DLGAP1: variants seen among roughly 807,000 people sequenced by gnomAD.
The protein encoded by DLGAP1 is DLG associated protein 1.
Under a neutral mutation model 90.8 loss-of-function variants are expected in DLGAP1, and 11 were observed. The ratio of observed to expected loss-of-function variants is 0.12; its 90% CI spans 0.08 to 0.20. DLGAP1 has a LOEUF of 0.20. Among genes scored for constraint, DLGAP1 ranks in the 10% least tolerant of loss-of-function variants. The pLI is 1.00. For missense variants in DLGAP1, 1,050 were observed against 1,333.8 expected (o/e 0.79, Z 3.31); for synonymous variants, 558 against 540.7 (o/e 1.03, Z -0.44).
At chr18:4,281,931 G>T (rs2079561220) in intron 1 of DLGAP1, among the ~76,000 whole-genome samples, 1 of 152,034 alleles carries the variant, frequency 6.6e-6, no homozygotes, top group Non-Finnish European at 1.5e-5. Flanking sequence ...ATGTAAGAAG[G>T]GTAGTCTATA....
intron 3 of DLGAP1, among the ~76,000 whole-genome samples, chr18:3,936,594 C>G (rs956824362): frequency 2.0e-5 from 3 of 152,134 alleles, no homozygotes; most frequent in African/African-American, 7.2e-5. Flanking sequence ...ATATTCCTGT[C>G]TATTAGATTG....
At chr18:3,683,666 T>C (rs1167195382) in intron 7 of DLGAP1, among the ~76,000 whole-genome samples, 1 of 152,096 alleles carries the variant, frequency 6.6e-6, no homozygotes, top group Non-Finnish European at 1.5e-5. Flanking sequence ...ATTATCATCA[T>C]AGAGAGGAAA....
intron 1 of DLGAP1, among the ~76,000 whole-genome samples, chr18:4,352,789 G>A (rs2081428376): frequency 6.6e-6 from 1 of 152,100 alleles, no homozygotes; most frequent in Non-Finnish European, 1.5e-5. Flanking sequence ...CAATGTCTCA[G>A]TCTTTACGCT....
At chr18:4,207,742 C>T (rs1285845472) in intron 1 of DLGAP1, among the ~76,000 whole-genome samples, 1 of 152,196 alleles carries the variant, frequency 6.6e-6, no homozygotes, top group African/African-American at 2.4e-5. Flanking sequence ...CACCAAAGAG[C>T]CAAACTGCTA....
chr18:3,567,599 T>C lies in DLGAP1; in HGVS notation c.1966-18A>G. ...TCATCCACCTGGAGAAATCATCAAATAAATAGAGTTGTTCCATTTCAGTCA... is the reference window on the plus strand; with the variant it reads ...TCATCCACCTGGAGAAATCATCAAACAAATAGAGTTGTTCCATTTCAGTCA... On this transcript the variant is annotated intron_variant, in intron 8 of 12. Transcript: ENST00000315677. 1.2e-6 allele frequency: 2 copies of C among 1,603,186 alleles called. No individual in the cohort carries two copies. The highest frequency in any genetic ancestry group is 1.7e-6 in the Non-Finnish European group (2 of 1,171,550).
At chr18:3,652,071 C>T (rs887403782) in intron 7 of DLGAP1, among the ~76,000 whole-genome samples, 15 of 145,690 alleles carry the variant, frequency 1.0e-4, no homozygotes, top group Non-Finnish European at 1.9e-4. Context: ...GGCTGAGGCA[C>T]GAGAATTGCT....
At chr18:4,269,901 T>C (rs1303690612) in intron 1 of DLGAP1, among the ~76,000 whole-genome samples, 1 of 152,196 alleles carries the variant, frequency 6.6e-6, no homozygotes, top group Non-Finnish European at 1.5e-5. Context: ...TGTTTTAAAT[T>C]CTGTTTGTAA....
intron 1 of DLGAP1, among the ~76,000 whole-genome samples, chr18:4,389,559 G>A (rs1436490474): frequency 2.6e-5 from 4 of 152,152 alleles, no homozygotes; most frequent in Non-Finnish European, 5.9e-5. Flanking sequence ...ACTGAATGGT[G>A]ACAGCAAAAA....
At chr18:3,888,800 G>C (rs746543859) in intron 3 of DLGAP1, among the ~76,000 whole-genome samples, 7 of 152,156 alleles carry the variant, frequency 4.6e-5, no homozygotes, top group African/African-American at 1.7e-4. Flanking sequence ...AATCCAGGCA[G>C]TAAACGATAA....
chr18:4,251,209 T>A (rs1239666044), intron 1 of DLGAP1, among the ~76,000 whole-genome samples: 2 of 152,208 alleles, frequency 1.3e-5, no homozygotes, highest in Non-Finnish European at 2.9e-5. Flanking sequence ...ATGGGTGTTA[T>A]CTTTCTCCTT....
intron 9 of DLGAP1, among the ~76,000 whole-genome samples, chr18:3,554,342 G>A (rs1383126820): frequency 6.6e-6 from 1 of 152,190 alleles, no homozygotes; most frequent in Non-Finnish European, 1.5e-5. Context: ...GTCCTATAGA[G>A]CGGTACCACT....
At chr18:4,209,803 G>T (rs2077804464) in intron 1 of DLGAP1, among the ~76,000 whole-genome samples, 1 of 152,146 alleles carries the variant, frequency 6.6e-6, no homozygotes, top group African/African-American at 2.4e-5. Flanking sequence ...TAGTGTATAA[G>T]AAAGACACAG....
chr18:3,994,459 A>G (rs928755605), intron 3 of DLGAP1, among the ~76,000 whole-genome samples: 1 of 151,736 alleles, frequency 6.6e-6, no homozygotes. Context: ...ATTCACCTCA[A>G]CTCTCTTAAT....
chr18:4,209,966 C>T (rs1270203529), intron 1 of DLGAP1, among the ~76,000 whole-genome samples: 5 of 152,184 alleles, frequency 3.3e-5, no homozygotes, highest in African/African-American at 9.7e-5. Context: ...TACTTCTCTT[C>T]CTGAGCCATT....
chr18:3,499,377 A>C lies in DLGAP1; in HGVS notation c.2742T>G (p.Pro914=), dbSNP rs1028788499. 4 of 1,549,938 alleles carry C rather than the reference A, an allele frequency of 2.6e-6. No homozygotes were observed. The African/African-American group carries it at 5.5e-5, about 21-fold the overall frequency. The stretch of plus-strand genomic sequence containing the variant: ...CCTTCGCCGGCTTCTTTGGCACTGG[A>C]GGAGGGGCCCTTCTCTCCTGATCAA... ...PLDKKERRAP[P]PVPKKPAKGP... Residue 914 remains proline, a synonymous_variant, in exon 13 of 13, where the codon CCT becomes CCG. Transcript: ENST00000315677. This position sits in a 1 kb window ranked among gnomAD's most constrained non-coding sequence, Gnocchi z 6.4.
intron 1 of DLGAP1, among the ~76,000 whole-genome samples, chr18:4,427,282 C>G (rs2083178807): frequency 6.6e-6 from 1 of 152,094 alleles, no homozygotes; most frequent in Non-Finnish European, 1.5e-5. Context: ...GGTAAGTCCA[C>G]CTTGGGAGAA....
At chr18:4,168,821 T>C (rs887197720) in intron 1 of DLGAP1, among the ~76,000 whole-genome samples, 1 of 152,208 alleles carries the variant, frequency 6.6e-6, no homozygotes, top group African/African-American at 2.4e-5. Flanking sequence ...TGGGCTCCAG[T>C]GATCCTACCA....
chr18:4,452,642 C>G (rs1035910570), intron 1 of DLGAP1, among the ~76,000 whole-genome samples: 1 of 152,152 alleles, frequency 6.6e-6, no homozygotes, highest in Non-Finnish European at 1.5e-5. Context: ...GGCTATTTCT[C>G]TATATGCGCT....
At chr18:3,760,607 C>T (rs1236902247) in intron 5 of DLGAP1, among the ~76,000 whole-genome samples, 4 of 152,048 alleles carry the variant, frequency 2.6e-5, no homozygotes, top group African/African-American at 4.8e-5. Flanking sequence ...TGTGAGAACG[C>T]GGTCATACAC....
Sources: gnomAD v4.1 joint callset for allele counts (sites outside exome capture counted in the v4.1 genomes callset) on GRCh38, gnomAD v4.1.1 for gene constraint, Gnocchi (gnomAD v3.1) non-coding constraint, MANE v1.5 for transcripts, NCBI Gene and HGNC (gene_info 2026-07-23, HGNC 2026-07-21) for gene names.